CYBRD1: variants seen among roughly 807,000 people sequenced by gnomAD.
CYBRD1 encodes the protein cytochrome b reductase 1, also known as plasma membrane ascorbate-dependent reductase CYBRD1.
Under a neutral mutation model 21.9 loss-of-function variants are expected in CYBRD1, and 14 were observed. The ratio of observed to expected loss-of-function variants is 0.64; its 90% CI spans 0.42 to 1.00. CYBRD1 has a LOEUF of 1.00. CYBRD1 is among the 50% of genes least tolerant of loss of function. CYBRD1 has a pLI of 0.00. For synonymous variants in CYBRD1, 146 were observed against 136.5 expected (o/e 1.07, Z -0.48); for missense variants, 328 against 352.5 (o/e 0.93, Z 0.56).
chr2:171,551,352 C>A (rs547096569), intron 2 of CYBRD1, among the ~76,000 whole-genome samples: 1 of 152,204 alleles, frequency 6.6e-6, no homozygotes, highest in Admixed American at 6.5e-5. Context: ...ATATTCTGAA[C>A]CACCAAGAGG....
At chr2:171,529,171 AG>A (rs1574432611) in intron 1 of CYBRD1, among the ~76,000 whole-genome samples, 1 of 152,208 alleles carries the variant, frequency 6.6e-6, no homozygotes, top group African/African-American at 2.4e-5. Flanking sequence ...CAAAGTAAAT[AG>A]GTGAAGTAGA....
chr2:171,553,444 T>C lies in CYBRD1; in HGVS notation c.501T>C (p.Phe167=). 1 of 1,613,744 alleles carries C rather than the reference T, an allele frequency of 6.2e-7. No individual in the cohort carries two copies. The highest frequency in any genetic ancestry group is 8.5e-7 in the Non-Finnish European group (1 of 1,179,762). The change falls in exon 3 of 4, where the codon TTT becomes TTC. Residue 167 remains phenylalanine (F), a synonymous_variant. Transcript: ENST00000321348. ...ATGTTTATTCTGGAATTGTCATCTT[T>C]GGAACAGTGATTGCAACAGCACTTA... The part of the protein sequence containing the change: ...PIHVYSGIVI[F]GTVIATALMG...
Position 171,553,252 on chromosome 2 carries a change from G to T in CYBRD1, c.403-94G>T, listed in dbSNP as rs868251308. ...TCTACCCTTTGGTTCTATATGAAAGGTTTTGTCATATTACACATATTGCTT... is the reference window on the plus strand; with the variant it reads ...TCTACCCTTTGGTTCTATATGAAAGTTTTTGTCATATTACACATATTGCTT... On this transcript the variant is annotated intron_variant, in intron 2 of 3. Coordinates refer to ENST00000321348, the MANE Select transcript of CYBRD1 (RefSeq NM_024843.4). 19 of 1,437,736 alleles carry T rather than the reference G, an allele frequency of 1.3e-5. No homozygotes were observed. In the Admixed American group the frequency reaches 2.8e-4, roughly 21 times the overall value. The allele number at this position is 1,437,736 out of a possible 1,614,324, so 89.1% of individuals were successfully genotyped here.
chr2:171,537,115 G>T (rs1697556858), intron 1 of CYBRD1, among the ~76,000 whole-genome samples: 1 of 152,090 alleles, frequency 6.6e-6, no homozygotes, highest in African/African-American at 2.4e-5. Flanking sequence ...CACTTAGATG[G>T]TACCTACTAC....
rs145292670 is a variant in CYBRD1, at chr2:171,538,991, C to T, written c.194-2594C>T. Among the ~76,000 whole-genome samples, 1,360 of 152,094 alleles carry T rather than the reference C, an allele frequency of 8.9e-3. 20 individuals are homozygous for T. The highest frequency in any genetic ancestry group is 0.027 in the African/African-American group (1,141 of 41,530). ...TTCTGTATCTTTAGTAGAGACTGGG[C>T]TTCATTATGTTGGCCAGGCTTGTCT... On this transcript the variant is annotated intron_variant, in intron 1 of 3. Coordinates refer to ENST00000321348, the MANE Select transcript of CYBRD1 (RefSeq NM_024843.4).
chr2:171,544,310 T>C (rs1193609101), intron 2 of CYBRD1, among the ~76,000 whole-genome samples: 1 of 152,230 alleles, frequency 6.6e-6, no homozygotes, highest in East Asian at 1.9e-4. Context: ...GCATTTTCTC[T>C]GTTGTTAACA....
chr2:171,541,180 A>G, intron 1 of CYBRD1: 1 of 237,372 alleles, frequency 4.2e-6, no homozygotes. Flanking sequence ...GTACGGAAAT[A>G]CCAAGAAGAC....
chr2:171,537,457 G>A (rs149751657), intron 1 of CYBRD1, among the ~76,000 whole-genome samples: 9 of 152,318 alleles, frequency 5.9e-5, no homozygotes, highest in African/African-American at 1.7e-4. Context: ...TGATCAGTCT[G>A]TAGAAAGTGC....
intron 1 of CYBRD1, chr2:171,523,022 C>T (rs1438230346): frequency 5.1e-5 from 24 of 471,608 alleles, no homozygotes; most frequent in Non-Finnish European, 8.4e-5. Context: ...GCCGGCCCCA[C>T]TTGGTTAACT....
intron 1 of CYBRD1, among the ~76,000 whole-genome samples, chr2:171,528,758 C>A (rs1697421413): frequency 2.0e-5 from 3 of 152,200 alleles, no homozygotes; most frequent in Non-Finnish European, 4.4e-5. Flanking sequence ...ATGTCCAAAT[C>A]TCAGCTCTTG....
intron 1 of CYBRD1, among the ~76,000 whole-genome samples, chr2:171,539,563 C>G (rs1321065534): frequency 6.6e-6 from 1 of 152,182 alleles, no homozygotes; most frequent in Non-Finnish European, 1.5e-5. Flanking sequence ...ATCTGCCACA[C>G]ATTTCCAGAT....
At chr2:171,553,767 A>G (rs1203172897) in intron 3 of CYBRD1, among the ~76,000 whole-genome samples, 1 of 152,166 alleles carries the variant, frequency 6.6e-6, no homozygotes, top group Non-Finnish European at 1.5e-5. Flanking sequence ...ATGTTTTTAT[A>G]TTAATTGTAA....
chr2:171,546,013 G>T (rs2105342713), intron 2 of CYBRD1, among the ~76,000 whole-genome samples: 1 of 152,208 alleles, frequency 6.6e-6, no homozygotes, highest in South Asian at 2.1e-4. Flanking sequence ...ATTCTCTTTT[G>T]CTGTCTGAAA....
At position 171,541,749 on chromosome 2, in the gene CYBRD1, C is replaced by T. The variant is rs775518203; in HGVS notation, c.358C>T (p.His120Tyr). The T allele has an allele frequency of 1.2e-6, 2 of 1,613,510 alleles. No individual in the cohort carries two copies. The highest frequency in any genetic ancestry group is 1.7e-5 in the Admixed American group (1 of 59,936). Residue 120 changes from histidine (H) to tyrosine (Y), a missense_variant, in exon 2 of 4, where the codon CAC becomes TAC. By Grantham distance (83) the His-to-Tyr change is moderately conservative (BLOSUM62 2). Transcript: ENST00000321348. The part of the protein sequence containing the change: ...VNNIANMYSL[H>Y]SWVGLIAVIC... ...CAATATAGCCAATATGTACAGTCTG[C>T]ACAGCTGGGTTGGACTGATAGCTGT...
intron 2 of CYBRD1, among the ~76,000 whole-genome samples, chr2:171,543,264 A>T (rs918913232): frequency 6.6e-6 from 1 of 152,186 alleles, no homozygotes; most frequent in African/African-American, 2.4e-5. Flanking sequence ...CTAGGGTAGA[A>T]TCAGCTTAAA....
Position 171,541,723 on chromosome 2 carries a change from A to T in CYBRD1, c.332A>T (p.Asn111Ile). ...GCCGTGTTTGAGAACCACAATGTTA[A>T]CAATATAGCCAATATGTACAGTCTG... ...VVAVFENHNVNNIANMYSLHS... is the reference protein window; with the variant it reads ...VVAVFENHNVINIANMYSLHS... Residue 111 changes from asparagine (N) to isoleucine (I), a missense_variant, in exon 2 of 4, where the codon AAC becomes ATC. By Grantham distance (149) the Asn-to-Ile change is moderately radical. Coordinates refer to ENST00000321348, the MANE Select transcript of CYBRD1 (RefSeq NM_024843.4). 6.2e-7 allele frequency: 1 copy of T among 1,613,958 alleles called. No homozygotes were observed. Among genetic ancestry groups the T allele is most frequent in the Non-Finnish European group, 8.5e-7 (1 of 1,180,006 alleles).
intron 2 of CYBRD1, among the ~76,000 whole-genome samples, chr2:171,542,274 A>G (rs927848587): frequency 6.6e-6 from 1 of 152,334 alleles, no homozygotes; most frequent in East Asian, 1.9e-4. Context: ...AGAAATAAAG[A>G]TTTCTTATAC....
intron 1 of CYBRD1, chr2:171,523,132 G>A: frequency 3.1e-6 from 1 of 327,134 alleles, no homozygotes. Flanking sequence ...GGCCGCTGCA[G>A]CCCACGCGCC....
At chr2:171,548,082 G>T (rs1331853220) in intron 2 of CYBRD1, among the ~76,000 whole-genome samples, 3 of 151,996 alleles carry the variant, frequency 2.0e-5, no homozygotes, top group Non-Finnish European at 2.9e-5. Context: ...AAAACTATGG[G>T]CATATTGTAG....
Sources: gnomAD v4.1 joint callset for allele counts (sites outside exome capture counted in the v4.1 genomes callset) on GRCh38, gnomAD v4.1.1 for gene constraint, MANE v1.5 for transcripts, NCBI Gene and HGNC (gene_info 2026-07-23, HGNC 2026-07-21) for gene names.